ABCG1: variants seen among roughly 807,000 people sequenced by gnomAD.
ABCG1 encodes the protein ATP binding cassette subfamily G member 1, also known as ATP-binding cassette sub-family G member 1.
In ABCG1, 29 loss-of-function variants were observed where a neutral mutation model predicts 69.2. The ratio of observed to expected loss-of-function variants is 0.42; its 90% CI spans 0.31 to 0.57. The LOEUF is 0.57. Among genes scored for constraint, ABCG1 ranks in the 20% least tolerant of loss-of-function variants. The pLI is 0.15. For synonymous variants in ABCG1, 370 were observed against 374.8 expected (o/e 0.99, Z 0.15); for missense variants, 718 against 898.1 (o/e 0.80, Z 2.56).
intron 2 of ABCG1, among the ~76,000 whole-genome samples, chr21:42,248,626 G>A (rs898564428): frequency 2.0e-5 from 3 of 152,094 alleles, no homozygotes; most frequent in Non-Finnish European, 4.4e-5. Context: ...GGTGGCTCAC[G>A]CCTGTAATCT....
chr21:42,261,138 A>G (rs576258498), intron 2 of ABCG1, among the ~76,000 whole-genome samples: 1 of 151,712 alleles, frequency 6.6e-6, no homozygotes, highest in African/African-American at 2.4e-5. Context: ...CCCGTTTTCT[A>G]CCCTCTTTCT....
At chr21:42,274,142 A>T (rs2068667305) in intron 4 of ABCG1, among the ~76,000 whole-genome samples, 1 of 152,222 alleles carries the variant, frequency 6.6e-6, no homozygotes, top group South Asian at 2.1e-4. Context: ...TCACAGCCTC[A>T]GTGTCCTCAT....
rs1192211978 is a variant in ABCG1 at position 42,219,204 on chromosome 21, C to G, written c.-59C>G. On this transcript the variant is annotated 5_prime_UTR_variant, in exon 1 of 15. Coordinates refer to ENST00000398449, the MANE Select transcript of ABCG1 (RefSeq NM_016818.3). The surrounding 1 kb of genome is among the most constrained non-coding windows in gnomAD (Gnocchi z 5.3). Reference sequence around the variant, plus strand: ...CCGGGAGCCAGCGCAGCCTCGGCCCCGCAGCTCAAGCCTCGTCCCCGCCGC... The same window carrying G: ...CCGGGAGCCAGCGCAGCCTCGGCCCGGCAGCTCAAGCCTCGTCCCCGCCGC... 5 of 1,414,618 alleles carry G rather than the reference C, an allele frequency of 3.5e-6. No homozygotes were observed. Among genetic ancestry groups the G allele is most frequent in the Non-Finnish European group, 4.6e-6 (5 of 1,082,506 alleles). The allele number at this position is 1,414,618 out of a possible 1,614,324, so 87.6% of individuals were successfully genotyped here. A position where few individuals can be genotyped will look rare whatever the true frequency, so the allele number is the denominator to read the frequency against.
At chr21:42,242,471 C>T (rs939738273) in intron 2 of ABCG1, among the ~76,000 whole-genome samples, 1 of 152,202 alleles carries the variant, frequency 6.6e-6, no homozygotes, top group Non-Finnish European at 1.5e-5. Context: ...GCTGCATACT[C>T]CAGCCTGGGT....
chr21:42,258,736 G>A (rs186625090), intron 2 of ABCG1, among the ~76,000 whole-genome samples: 1 of 152,120 alleles, frequency 6.6e-6, no homozygotes, highest in Non-Finnish European at 1.5e-5. Context: ...GGAGTAGGGC[G>A]CCTGCTGGCA....
chr21:42,200,531 A>G (rs1442227484), intron 1 of ABCG1, among the ~76,000 whole-genome samples: 1 of 150,798 alleles, frequency 6.6e-6, no homozygotes, highest in Non-Finnish European at 1.5e-5. Context: ...CAATTTTTCC[A>G]TGGTTTGGGG....
chr21:42,256,510 GC>G (rs1317702417), intron 2 of ABCG1: 1 of 1,549,662 alleles, frequency 6.5e-7, no homozygotes, highest in South Asian at 1.2e-5. Flanking sequence ...CAGGTCACCT[GC>G]GTGCCTGGGT....
At chr21:42,241,540 G>C (rs531133344) in intron 2 of ABCG1, among the ~76,000 whole-genome samples, 29 of 151,902 alleles carry the variant, frequency 1.9e-4, no homozygotes, top group Non-Finnish European at 3.2e-4. Flanking sequence ...GAGAGGCAGA[G>C]GTTGCAGTGA....
intron 2 of ABCG1, among the ~76,000 whole-genome samples, chr21:42,242,564 T>C (rs1292524851): frequency 6.6e-6 from 1 of 152,148 alleles, no homozygotes; most frequent in Non-Finnish European, 1.5e-5. Flanking sequence ...AGCTGTATTA[T>C]AGATGTGTGG....
intron 5 of ABCG1, among the ~76,000 whole-genome samples, chr21:42,279,871 C>G (rs779527173): frequency 6.6e-6 from 1 of 152,326 alleles, no homozygotes; most frequent in South Asian, 2.1e-4. Flanking sequence ...ACACGGGACC[C>G]GAAGGCAGAT....
At chr21:42,272,870 C>A (rs572534068) in intron 3 of ABCG1, among the ~76,000 whole-genome samples, 53 of 152,342 alleles carry the variant, frequency 3.5e-4, no homozygotes, top group Admixed American at 1.7e-3. Flanking sequence ...TGCAGAGGTC[C>A]GGCCTTTGGG....
Position 42,296,734 on chromosome 21 carries a change from C to G in ABCG1, c.*342C>G, listed in dbSNP as rs542283063. 2.7e-5 allele frequency: 9 copies of G among 333,244 alleles called. No individual in the cohort carries two copies. The East Asian group carries it at 5.1e-4, about 19-fold the overall frequency. The allele number at this position is 333,244 out of a possible 1,614,324, so 20.6% of individuals were successfully genotyped here. A position where few individuals can be genotyped will look rare whatever the true frequency, so the allele number is the denominator to read the frequency against. On this transcript the variant is annotated 3_prime_UTR_variant, in exon 15 of 15. Transcript: ENST00000398449. This position sits in a 1 kb window ranked among gnomAD's most constrained non-coding sequence, Gnocchi z 5.4. The stretch of plus-strand genomic sequence containing the variant: ...TCCTCAGTCCAGTCGCTCCTTAGCA[C>G]CAGGCACCGTGGGTCCTGGATGGGG...
chr21:42,266,338 G>T (rs988056177), intron 2 of ABCG1, among the ~76,000 whole-genome samples: 18 of 143,744 alleles, frequency 1.3e-4, no homozygotes, highest in East Asian at 3.9e-4. Context: ...TAAAATAAAA[G>T]AATTGCAATA....
chr21:42,232,147 A>C (rs767407610), intron 2 of ABCG1, among the ~76,000 whole-genome samples: 1 of 152,222 alleles, frequency 6.6e-6, no homozygotes, highest in Non-Finnish European at 1.5e-5. Flanking sequence ...CAGGGCCCCA[A>C]AGAGGCTTTG....
chr21:42,256,134 C>G, intron 2 of ABCG1: 1 of 1,382,614 alleles, frequency 7.2e-7, no homozygotes, highest in Non-Finnish European at 9.4e-7. Flanking sequence ...AAGCCTCTCC[C>G]TGTCTTGTGA....
At chr21:42,256,302 G>A in intron 2 of ABCG1, 1 of 1,531,504 alleles carries the variant, frequency 6.5e-7, no homozygotes, top group East Asian at 2.5e-5. Context: ...TCCAACTTTT[G>A]CCCGGAGTCT....
At chr21:42,226,997 T>G (rs1205679435) in intron 2 of ABCG1, among the ~76,000 whole-genome samples, 1 of 152,242 alleles carries the variant, frequency 6.6e-6, no homozygotes, top group Non-Finnish European at 1.5e-5. Flanking sequence ...ATCTTCTTTT[T>G]GTTTTTCTAC....
Position 42,273,424 on chromosome 21 carries a change from G to A in ABCG1, c.526G>A (p.Glu176Lys). The A allele has an allele frequency of 6.2e-7, 1 of 1,613,700 alleles. No individual in the cohort carries two copies. Among genetic ancestry groups the A allele is most frequent in the Non-Finnish European group, 8.5e-7 (1 of 1,179,868 alleles). Reference sequence around the variant, plus strand: ...GCTGCTGCCGCATCTCACTGTGCAGGAGGCCATGATGGTGAGCTCCGCCCT... The same window carrying A: ...GCTGCTGCCGCATCTCACTGTGCAGAAGGCCATGATGGTGAGCTCCGCCCT... ...DMLLPHLTVQ[E>K]AMMVSAHLKL... Residue 176 changes from glutamate to lysine, a missense_variant, in exon 4 of 15, where the codon GAG becomes AAG. Transcript: ENST00000398449. The surrounding 1 kb of genome is among the most constrained non-coding windows in gnomAD (Gnocchi z 5.3).
intron 2 of ABCG1, among the ~76,000 whole-genome samples, chr21:42,270,041 G>A (rs996396751): frequency 2.6e-5 from 4 of 151,804 alleles, no homozygotes; most frequent in South Asian, 2.1e-4. Context: ...CGAGGCGGGC[G>A]GATCACAAGG....
Sources: gnomAD v4.1 joint callset for allele counts (sites outside exome capture counted in the v4.1 genomes callset) on GRCh38, gnomAD v4.1.1 for gene constraint, Gnocchi (gnomAD v3.1) non-coding constraint, MANE v1.5 for transcripts, NCBI Gene and HGNC (gene_info 2026-07-23, HGNC 2026-07-21) for gene names.